ANKS1B: variants seen among roughly 807,000 people sequenced by gnomAD.
ANKS1B encodes the protein ankyrin repeat and sterile alpha motif domain containing 1B.
Under a neutral mutation model 148.3 loss-of-function variants are expected in ANKS1B, and 36 were observed. The ratio of observed to expected loss-of-function variants is 0.24; its 90% CI spans 0.19 to 0.32. The LOEUF (loss-of-function observed/expected upper bound fraction) is 0.32. Ranked by LOEUF, ANKS1B falls within the 10% of genes least tolerant of loss-of-function variation. The pLI is 1.00. For missense variants in ANKS1B, 1,157 were observed against 1,542.6 expected (o/e 0.75, Z 4.19); for synonymous variants, 542 against 560.8 (o/e 0.97, Z 0.47).
intron 17 of ANKS1B, among the ~76,000 whole-genome samples, chr12:98,898,793 A>C (rs982881771): frequency 6.6e-6 from 1 of 152,194 alleles, no homozygotes; most frequent in Non-Finnish European, 1.5e-5. Context: ...GTTTCCTGCA[A>C]AGTGAGACAG....
At chr12:99,412,462 G>C (rs1226500617) in intron 11 of ANKS1B, among the ~76,000 whole-genome samples, 1 of 152,154 alleles carries the variant, frequency 6.6e-6, no homozygotes, top group Non-Finnish European at 1.5e-5. Flanking sequence ...TGTTGCTCAG[G>C]CTTGAGATTC....
chr12:99,053,120 G>T (rs2099967345), intron 17 of ANKS1B, 37 bp downstream of exon 17: 2 of 1,532,322 alleles, frequency 1.3e-6, no homozygotes, highest in Non-Finnish European at 1.8e-6. Flanking sequence ...TTTATCAAGG[G>T]TTGAATAGTT....
intron 17 of ANKS1B, among the ~76,000 whole-genome samples, chr12:98,962,510 T>A (rs1397356870): frequency 6.6e-6 from 1 of 151,956 alleles, no homozygotes; most frequent in Non-Finnish European, 1.5e-5. Flanking sequence ...AGCTGGAGAC[T>A]TCAACAGTTT....
chr12:99,061,038 G>A (rs1275151178), intron 16 of ANKS1B, among the ~76,000 whole-genome samples: 1 of 152,168 alleles, frequency 6.6e-6, no homozygotes, highest in Non-Finnish European at 1.5e-5. Context: ...GTCCAAAAGT[G>A]TTAGAAAATT....
chr12:99,089,923 C>A (rs1204236314), intron 15 of ANKS1B, among the ~76,000 whole-genome samples: 1 of 152,146 alleles, frequency 6.6e-6, no homozygotes. Context: ...CTAGAATGAT[C>A]AAAGACCCAA....
At chr12:98,959,483 G>A (rs545277445) in intron 17 of ANKS1B, among the ~76,000 whole-genome samples, 3 of 152,270 alleles carry the variant, frequency 2.0e-5, no homozygotes, top group South Asian at 4.1e-4. Context: ...ATTTGGGCCC[G>A]AGTACCTAAT....
intron 8 of ANKS1B, among the ~76,000 whole-genome samples, chr12:99,741,584 T>C (rs1471305726): frequency 2.0e-5 from 3 of 152,178 alleles, no homozygotes; most frequent in Non-Finnish European, 4.4e-5. Flanking sequence ...GATGAGTTCA[T>C]GTCCTTTGCA....
chr12:99,917,143 G>T (rs1220683290), intron 1 of ANKS1B, among the ~76,000 whole-genome samples: 2 of 152,170 alleles, frequency 1.3e-5, no homozygotes, highest in East Asian at 1.9e-4. Context: ...TTGGGCAGGG[G>T]CTAGTGGTTC....
chr12:98,788,785 C>T (rs1321401381), intron 22 of ANKS1B, among the ~76,000 whole-genome samples: 1 of 152,216 alleles, frequency 6.6e-6, no homozygotes, highest in Non-Finnish European at 1.5e-5. Flanking sequence ...CAGAACTGTT[C>T]TCTGCTGCTG....
intron 17 of ANKS1B, among the ~76,000 whole-genome samples, chr12:98,997,248 G>C (rs1468976578): frequency 6.6e-6 from 1 of 152,096 alleles, no homozygotes; most frequent in East Asian, 1.9e-4. Context: ...CTGGGGACCA[G>C]GATTGGGCAG....
chr12:98,834,611 A>G (rs1467836897), intron 17 of ANKS1B, among the ~76,000 whole-genome samples: 4 of 152,120 alleles, frequency 2.6e-5, no homozygotes, highest in African/African-American at 9.7e-5. Context: ...ACACAGCCCT[A>G]TGTTAGCTTT....
At chr12:99,945,586 C>A (rs1222467234) in intron 1 of ANKS1B, among the ~76,000 whole-genome samples, 1 of 152,110 alleles carries the variant, frequency 6.6e-6, no homozygotes, top group Non-Finnish European at 1.5e-5. Context: ...ATATAATGAG[C>A]CAGGTCTGCG....
intron 15 of ANKS1B, among the ~76,000 whole-genome samples, chr12:99,153,368 GC>G: frequency 6.6e-6 from 1 of 152,266 alleles, no homozygotes; most frequent in East Asian, 1.9e-4. Context: ...TGTGTTACAT[GC>G]CTGTGTTATG....
At chr12:99,392,843 T>A (rs1199305221) in intron 12 of ANKS1B, among the ~76,000 whole-genome samples, 7 of 129,834 alleles carry the variant, frequency 5.4e-5, no homozygotes, top group East Asian at 2.6e-4. Flanking sequence ...CACCCTACCC[T>A]CCCTCACTGA....
intron 4 of ANKS1B, among the ~76,000 whole-genome samples, chr12:99,805,263 C>CAAAAAAAAAGAAAAAAAAAAAAA (rs2067460596): frequency 3.5e-5 from 1 of 28,908 alleles, no homozygotes; most frequent in Non-Finnish European, 5.8e-5. Context: ...GAGGAAAAGG[C>CAAAAAAAAAGAAAAAAAAAAAAA]AAAAAAAAAA....
intron 17 of ANKS1B, among the ~76,000 whole-genome samples, chr12:98,850,166 T>C (rs1190657960): frequency 6.6e-6 from 1 of 152,198 alleles, no homozygotes; most frequent in Non-Finnish European, 1.5e-5. Context: ...AAAAAATCAA[T>C]TTCAAAAGTA....
chr12:99,322,591 T>C (rs1035340995), intron 12 of ANKS1B, among the ~76,000 whole-genome samples: 4 of 152,166 alleles, frequency 2.6e-5, no homozygotes, highest in Non-Finnish European at 1.5e-5. Context: ...TCCACCTGCC[T>C]GCATCTACTT....
intron 9 of ANKS1B, among the ~76,000 whole-genome samples, chr12:99,543,613 A>G (rs2097147036): frequency 6.6e-6 from 1 of 152,174 alleles, no homozygotes; most frequent in Admixed American, 6.6e-5. Context: ...ACAGAATTGA[A>G]TATTATTTTG....
intron 11 of ANKS1B, among the ~76,000 whole-genome samples, chr12:99,428,707 C>G (rs2095309171): frequency 1.3e-5 from 2 of 152,144 alleles, no homozygotes; most frequent in Non-Finnish European, 2.9e-5. Context: ...GCCCTGCCCA[C>G]TGAGAGAGTC....
Sources: allele counts gnomAD v4.1 joint callset (sites outside exome capture counted in the v4.1 genomes callset), GRCh38; gene constraint gnomAD v4.1.1; transcripts MANE v1.5; gene names NCBI Gene and HGNC (gene_info 2026-07-23, HGNC 2026-07-21).